The following ZFP14 variants were observed in gnomAD, a reference collection of about 807,000 sequenced individuals.
ZFP14 encodes the protein zinc finger protein 14 homolog.
In ZFP14, 22 loss-of-function variants were observed where a neutral mutation model predicts 54.5. That is an observed-to-expected ratio of 0.40 (90% CI 0.29 to 0.58). The LOEUF (loss-of-function observed/expected upper bound fraction) is 0.58. Ranked by LOEUF, ZFP14 falls within the 20% of genes least tolerant of loss-of-function variation. The probability of loss-of-function intolerance (pLI) is 0.39; values close to 1 mark genes in which losing one functional copy is unlikely to be tolerated. For missense variants in ZFP14, 470 were observed against 637.8 expected (o/e 0.74, Z 2.83); for synonymous variants, 159 against 204.0 (o/e 0.78, Z 1.88).
At chr19:36,369,504 G>T (rs1472300457) in intron 1 of ZFP14, among the ~76,000 whole-genome samples, 1 of 152,048 alleles carries the variant, frequency 6.6e-6, no homozygotes, top group Non-Finnish European at 1.5e-5. Context: ...TCTGCCTCCA[G>T]GGTTCAAGCG....
chr19:36,350,881 T>A lies in ZFP14; in HGVS notation c.236-9291A>T, dbSNP rs954046562. ...AAAGCCAGAAGACAAGGAGGGGATA[T>A]TTGCTAAGAGAAAATAACTGCCAAC... On this transcript the variant is annotated intron_variant, in intron 4 of 4. Transcript: ENST00000270001. 5.6e-5 allele frequency among the ~76,000 whole-genome samples: 8 copies of A among 142,972 alleles called. 1 individual carries two copies. Among genetic ancestry groups the A allele is most frequent in the Admixed American group, 2.2e-4 (3 of 13,872 alleles). 93.8% of individuals were successfully genotyped at this position (142,972 alleles called of 152,430 possible).
rs769102814 is a variant in ZFP14 at position 36,339,215 on chromosome 19, G to A, written c.*1009C>T. ...TTATGTCTACAGATCTTCCTTTTAC[G>A]TGAATTCACTAATACTAATGACAAT... On this transcript the variant is annotated 3_prime_UTR_variant, in exon 5 of 5. Transcript: ENST00000270001. 5 of 152,132 alleles carry A rather than the reference G, an allele frequency of 3.3e-5. No homozygotes were observed. Among genetic ancestry groups the A allele is most frequent in the South Asian group, 2.1e-4 (1 of 4,830 alleles). The allele number at this position is 152,132 out of a possible 1,614,324, so 9.4% of individuals were successfully genotyped here. A position where few individuals can be genotyped will look rare whatever the true frequency, so the allele number is the denominator to read the frequency against.
chr19:36,352,965 G>A (rs1025964495), intron 4 of ZFP14, among the ~76,000 whole-genome samples: 2 of 139,226 alleles, frequency 1.4e-5, no homozygotes, highest in Non-Finnish European at 3.2e-5. Context: ...AATTAGCCAT[G>A]TGTGGTGGTG....
At chr19:36,358,129 G>C (rs1025537380) in intron 4 of ZFP14, among the ~76,000 whole-genome samples, 1 of 145,844 alleles carries the variant, frequency 6.9e-6, no homozygotes, top group Admixed American at 6.8e-5. Flanking sequence ...TTTATTTTTT[G>C]AGATGGAGTC....
At position 36,360,465 on chromosome 19, in the gene ZFP14, C is replaced by A. The variant is rs1338780867; in HGVS notation, c.205G>T (p.Val69Leu). ...CAGTATCTTCTTGTCCCTTCCCTCA[C>A]AACCATCCCAGGTTCCTTCCTTTCT... ...DEERKEPGMV[V>L]REGTRRYCPD... Residue 69 changes from valine (V) to leucine (L), a missense_variant, in exon 4 of 5, where the codon GTG becomes TTG. Physicochemically the swap from Val to Leu is conservative, Grantham distance 32. Coordinates refer to ENST00000270001, the MANE Select transcript of ZFP14 (RefSeq NM_020917.3). 3 of 1,613,596 alleles carry A rather than the reference C, an allele frequency of 1.9e-6. No individual in the cohort carries two copies. The highest frequency in any genetic ancestry group is 2.5e-6 in the Non-Finnish European group (3 of 1,179,792).
Position 36,339,105 on chromosome 19 carries a change from C to T in ZFP14, c.*1119G>A, listed in dbSNP as rs896228323. Reference sequence around the variant, plus strand: ...TGCAGCTCAAGTGCTGAAGAACTTCCTACATTCACTACAATCTAAATTTTA... The same window carrying T: ...TGCAGCTCAAGTGCTGAAGAACTTCTTACATTCACTACAATCTAAATTTTA... On this transcript the variant is annotated 3_prime_UTR_variant, in exon 5 of 5. Coordinates refer to ENST00000270001, the MANE Select transcript of ZFP14 (RefSeq NM_020917.3). 2 of 152,066 alleles carry T rather than the reference C, an allele frequency of 1.3e-5. No homozygotes were observed. The highest frequency in any genetic ancestry group is 2.9e-5 in the Non-Finnish European group (2 of 67,964). 9.4% of individuals were successfully genotyped at this position (152,066 alleles called of 1,614,324 possible). A position where few individuals can be genotyped will look rare whatever the true frequency, so the allele number is the denominator to read the frequency against.
At chr19:36,372,098 A>G (rs1050665825) in intron 1 of ZFP14, among the ~76,000 whole-genome samples, 35 of 151,006 alleles carry the variant, frequency 2.3e-4, no homozygotes, top group Non-Finnish European at 3.1e-4. Context: ...GGAGGAAAGG[A>G]GGAAGGAAGG....
At chr19:36,362,088 A>C (rs376420428) in intron 3 of ZFP14, 24 bp downstream of exon 3, 11 of 1,575,114 alleles carry the variant, frequency 7.0e-6, no homozygotes, top group Non-Finnish European at 9.4e-6. Flanking sequence ...GAAAGCTAAT[A>C]TCATTTGGGA....
At chr19:36,349,824 TGAA>T (rs981269634) in intron 4 of ZFP14, among the ~76,000 whole-genome samples, 10 of 151,124 alleles carry the variant, frequency 6.6e-5, no homozygotes, top group African/African-American at 1.5e-4. Context: ...GACATGGATT[TGAA>T]GAAGATTTCA....
At chr19:36,374,971 C>A (rs1392514398) in intron 1 of ZFP14, among the ~76,000 whole-genome samples, 1 of 152,026 alleles carries the variant, frequency 6.6e-6, no homozygotes, top group East Asian at 1.9e-4. Flanking sequence ...TTCGGCTTCT[C>A]ATTCATGAAC....
At position 36,356,352 on chromosome 19, in the gene ZFP14, T is replaced by C. The variant is rs1034400311; in HGVS notation, c.235+4083A>G. 5.3e-5 allele frequency among the ~76,000 whole-genome samples: 8 copies of C among 150,512 alleles called. 1 individual carries two copies. In the South Asian group the frequency reaches 1.7e-3, roughly 32 times the overall value. ...CTGAGGTAGGAGAATCGCATAAACCTGGGAGGCAGAGGTTGCAGTGAGCCG... is the reference window on the plus strand; with the variant it reads ...CTGAGGTAGGAGAATCGCATAAACCCGGGAGGCAGAGGTTGCAGTGAGCCG... On this transcript the variant is annotated intron_variant, in intron 4 of 4. Coordinates refer to ENST00000270001, the MANE Select transcript of ZFP14 (RefSeq NM_020917.3).
chr19:36,349,122 G>C (rs1250524412), intron 4 of ZFP14, among the ~76,000 whole-genome samples: 2 of 150,994 alleles, frequency 1.3e-5, no homozygotes, highest in Non-Finnish European at 3.0e-5. Flanking sequence ...CCAGCTACTT[G>C]GGAAGCTGAG....
At position 36,376,470 on chromosome 19, in the gene ZFP14, TG is replaced by T. The variant is rs563970904; in HGVS notation, c.-80+2692del. Among the ~76,000 whole-genome samples, 700 of 151,248 alleles carry T rather than the reference TG, an allele frequency of 4.6e-3. 6 individuals carry two copies. The highest frequency in any genetic ancestry group is 0.016 in the African/African-American group (672 of 41,166). On this transcript the variant is annotated intron_variant, in intron 1 of 4. Transcript: ENST00000270001. ...CTGAGGTAGGAGAATGGTTTGAACC[TG>T]GGGCGGGTGGCTGCAGTGAGCCAAG...
intron 4 of ZFP14, among the ~76,000 whole-genome samples, chr19:36,344,426 C>A (rs1297591392): frequency 6.6e-6 from 1 of 151,986 alleles, no homozygotes; most frequent in South Asian, 2.1e-4. Context: ...CTTGAACTAC[C>A]CCCAGGGCAG....
intron 3 of ZFP14, among the ~76,000 whole-genome samples, chr19:36,361,625 C>T (rs1040063091): frequency 1.3e-5 from 2 of 152,028 alleles, no homozygotes; most frequent in African/African-American, 4.8e-5. Flanking sequence ...ACCTCCGCCT[C>T]CTGGGTTTAA....
Position 36,340,377 on chromosome 19 carries a change from C to T in ZFP14, c.1449G>A (p.Lys483=). The T allele has an allele frequency of 6.2e-7, 1 of 1,614,132 alleles. No individual in the cohort carries two copies. The highest frequency in any genetic ancestry group is 8.5e-7 in the Non-Finnish European group (1 of 1,180,022). ...IHTGEKPYEC[K]ECGKAFRLYS... is the part of the protein sequence containing the mutation. ...AAAGTCTAAAAGCCTTACCACATTC[C>T]TTACATTCATAAGGTTTCTCACCAG... The change falls in exon 5 of 5, where the codon AAG becomes AAA. Residue 483 remains lysine, a synonymous_variant. Coordinates refer to ENST00000270001, the MANE Select transcript of ZFP14 (RefSeq NM_020917.3). This position sits in a 1 kb window ranked among gnomAD's most constrained non-coding sequence, Gnocchi z 5.4.
At chr19:36,360,665 G>A in intron 3 of ZFP14, 132 bp from the exon 4 acceptor site, 4 of 712,388 alleles carry the variant, frequency 5.6e-6, no homozygotes, top group Non-Finnish European at 8.7e-6. Context: ...TTGCAAGGGA[G>A]TTGAAGAATG....
At position 36,339,847 on chromosome 19, in the gene ZFP14, T is replaced by C. The variant is rs1195706768; in HGVS notation, c.*377A>G. On this transcript the variant is annotated 3_prime_UTR_variant, in exon 5 of 5. Coordinates refer to ENST00000270001, the MANE Select transcript of ZFP14 (RefSeq NM_020917.3). ...GATATAATTATATGTTATTTTATGCTACTAAGTCTGTGGTAATTTATTACG... is the reference window on the plus strand; with the variant it reads ...GATATAATTATATGTTATTTTATGCCACTAAGTCTGTGGTAATTTATTACG... 6.1e-6 allele frequency: 1 copy of C among 163,554 alleles called. No individual in the cohort carries two copies. Among genetic ancestry groups the C allele is most frequent in the African/African-American group, 2.4e-5 (1 of 41,654 alleles). 10.1% of individuals were successfully genotyped at this position (163,554 alleles called of 1,614,324 possible).
Position 36,341,691 on chromosome 19 carries a change from A to G in ZFP14, c.236-101T>C. 9.0e-7 allele frequency: 1 copy of G among 1,111,442 alleles called. No homozygotes were observed. Among genetic ancestry groups the G allele is most frequent in the Non-Finnish European group, 1.2e-6 (1 of 811,234 alleles). 68.8% of individuals were successfully genotyped at this position (1,111,442 alleles called of 1,614,324 possible). On this transcript the variant is annotated intron_variant, in intron 4 of 4. Transcript: ENST00000270001. The surrounding 1 kb of genome is among the most constrained non-coding windows in gnomAD (Gnocchi z 4.2). ...CTTCTATAGAGAAAAGGCACCTAAAATAATGCCTGTTACAAATTGAATGGA... is the reference window on the plus strand; with the variant it reads ...CTTCTATAGAGAAAAGGCACCTAAAGTAATGCCTGTTACAAATTGAATGGA...
Sources: gnomAD v4.1 joint callset for allele counts (sites outside exome capture counted in the v4.1 genomes callset) on GRCh38, gnomAD v4.1.1 for gene constraint, Gnocchi (gnomAD v3.1) non-coding constraint, MANE v1.5 for transcripts, NCBI Gene and HGNC (gene_info 2026-07-23, HGNC 2026-07-21) for gene names.